ROBO1: variants seen among roughly 807,000 people sequenced by gnomAD.
ROBO1 encodes roundabout homolog 1.
A neutral mutation model predicts 195.9 loss-of-function variants in ROBO1; 149 were observed. The observed-to-expected ratio is 0.76, with a 90% confidence interval of 0.67 to 0.87. The LOEUF (loss-of-function observed/expected upper bound fraction) is 0.87. ROBO1 is among the 40% of genes least tolerant of loss of function. The pLI is 0.00. For synonymous variants in ROBO1, 816 were observed against 733.2 expected, an observed-to-expected ratio of 1.11 and a Z score of -1.82; for missense variants, 1,933 against 2,068.3, an observed-to-expected ratio of 0.93 and a Z score of 1.27.
intron 3 of ROBO1, among the ~76,000 whole-genome samples, chr3:79,068,098 G>A (rs774502098): frequency 3.3e-5 from 5 of 151,948 alleles, no homozygotes; most frequent in Non-Finnish European, 7.4e-5. Flanking sequence ...AAAGCCCTAT[G>A]TTATTGGCCA....
chr3:79,151,757 C>T (rs946046151), intron 2 of ROBO1, among the ~76,000 whole-genome samples: 4 of 151,748 alleles, frequency 2.6e-5, no homozygotes, highest in African/African-American at 7.3e-5. Flanking sequence ...TGGTTTTTCT[C>T]TTCAAATTAT....
At chr3:78,764,620 C>T (rs1342055446) in intron 4 of ROBO1, among the ~76,000 whole-genome samples, 1 of 152,130 alleles carries the variant, frequency 6.6e-6, no homozygotes, top group Non-Finnish European at 1.5e-5. Flanking sequence ...AGAGAACTAT[C>T]TTAATATAGT....
At chr3:79,189,184 T>C (rs1381337102) in intron 2 of ROBO1, among the ~76,000 whole-genome samples, 1 of 151,794 alleles carries the variant, frequency 6.6e-6, no homozygotes, top group African/African-American at 2.4e-5. Flanking sequence ...GAAAAATGCA[T>C]TTATGAACAC....
rs560661884 is a variant in ROBO1, at chr3:78,991,703, G to A, written c.173-52776C>T. Among the ~76,000 whole-genome samples, 9 of 152,168 alleles carry A rather than the reference G, an allele frequency of 5.9e-5. 1 individual carries two copies. The South Asian group carries it at 1.0e-3, about 18-fold the overall frequency. ...GAATTCTAAGTGATAATTCCACATG[G>A]GAATCAGTTGTAACACAAAAACAGA... On this transcript the variant is annotated intron_variant, in intron 3 of 30. Transcript: ENST00000464233.
intron 5 of ROBO1, among the ~76,000 whole-genome samples, chr3:78,720,110 AAT>A (rs1383710614): frequency 6.6e-6 from 1 of 152,150 alleles, no homozygotes; most frequent in Non-Finnish European, 1.5e-5. Flanking sequence ...GCATTGTAAA[AAT>A]ATGTTTTAAT....
chr3:78,725,974 C>T (rs1203039447), intron 5 of ROBO1, among the ~76,000 whole-genome samples: 1 of 151,552 alleles, frequency 6.6e-6, no homozygotes, highest in Non-Finnish European at 1.5e-5. Context: ...CAATGTTATC[C>T]ATACACCTCT....
intron 2 of ROBO1, among the ~76,000 whole-genome samples, chr3:79,407,956 T>C (rs968768338): frequency 6.6e-6 from 1 of 152,156 alleles, no homozygotes; most frequent in Non-Finnish European, 1.5e-5. Context: ...ACTTATTTTT[T>C]CTTTACAAAA....
chr3:78,695,641 A>G (rs2081272000), intron 8 of ROBO1, among the ~76,000 whole-genome samples: 1 of 150,468 alleles, frequency 6.6e-6, no homozygotes, highest in African/African-American at 2.4e-5. Flanking sequence ...AAAAAAAAAA[A>G]AAGAAAAGAA....
intron 3 of ROBO1, among the ~76,000 whole-genome samples, chr3:79,008,877 C>T (rs996334282): frequency 4.2e-5 from 6 of 144,572 alleles, no homozygotes; most frequent in Admixed American, 7.1e-5. Flanking sequence ...GCATGAGCCA[C>T]TGCACCCAGC....
chr3:79,417,590 T>C (rs561825450), intron 2 of ROBO1, among the ~76,000 whole-genome samples: 16 of 152,292 alleles, frequency 1.1e-4, no homozygotes, highest in African/African-American at 3.1e-4. Context: ...GGATCACAAG[T>C]AACTACTTAC....
intron 1 of ROBO1, among the ~76,000 whole-genome samples, chr3:79,671,892 AG>A (rs1946642977): frequency 6.6e-6 from 1 of 151,944 alleles, no homozygotes; most frequent in Non-Finnish European, 1.5e-5. Context: ...ATGTTTCATT[AG>A]CTTACTAATG....
intron 1 of ROBO1, among the ~76,000 whole-genome samples, chr3:79,662,813 T>G (rs1454973330): frequency 6.6e-6 from 1 of 152,052 alleles, no homozygotes; most frequent in Non-Finnish European, 1.5e-5. Flanking sequence ...CATGCTGCTG[T>G]GGAAGAAACG....
chr3:78,718,044 T>C (rs924498243), intron 5 of ROBO1, among the ~76,000 whole-genome samples, 161 bp from the exon 6 acceptor site: 18 of 152,204 alleles, frequency 1.2e-4, no homozygotes, highest in Non-Finnish European at 2.2e-4. Context: ...GTAGTACCCT[T>C]AAAGAGAATT....
At chr3:79,549,824 T>C (rs1942410208) in intron 2 of ROBO1, among the ~76,000 whole-genome samples, 1 of 151,974 alleles carries the variant, frequency 6.6e-6, no homozygotes, top group African/African-American at 2.4e-5. Flanking sequence ...GGAATCTCAG[T>C]TTGGTGCAGT....
At chr3:78,607,139 A>G (rs944659188) in intron 28 of ROBO1, 98 bp from the exon 29 acceptor site, 1 of 1,173,392 alleles carries the variant, frequency 8.5e-7, no homozygotes. Flanking sequence ...CCTACGAGAT[A>G]CTATATCTTA....
intron 16 of ROBO1, chr3:78,660,395 G>T (rs1320459077): frequency 1.3e-5 from 2 of 152,396 alleles, no homozygotes; most frequent in Non-Finnish European, 2.9e-5. Context: ...TGTAACTCTA[G>T]TCTCATGTTC....
chr3:78,759,127 T>G (rs1180728347), intron 4 of ROBO1: 1 of 152,756 alleles, frequency 6.5e-6, no homozygotes, highest in Non-Finnish European at 1.5e-5. Flanking sequence ...CCCATCTTTG[T>G]GCTCTTGCAA....
chr3:79,630,215 T>C (rs1350159168), intron 1 of ROBO1, among the ~76,000 whole-genome samples: 1 of 152,026 alleles, frequency 6.6e-6, no homozygotes, highest in Non-Finnish European at 1.5e-5. Flanking sequence ...CCAATATCTC[T>C]GATGAAAATA....
At chr3:79,422,600 A>G (rs2038272905) in intron 2 of ROBO1, among the ~76,000 whole-genome samples, 3 of 152,146 alleles carry the variant, frequency 2.0e-5, no homozygotes, top group Admixed American at 2.0e-4. Flanking sequence ...GCAAAAAGGA[A>G]ATAGAGATTT....
Sources: gnomAD v4.1 joint callset for allele counts (sites outside exome capture counted in the v4.1 genomes callset) on GRCh38, gnomAD v4.1.1 for gene constraint, MANE v1.5 for transcripts, NCBI Gene and HGNC (gene_info 2026-07-23, HGNC 2026-07-21) for gene names.